SIK3: variants seen among roughly 807,000 people sequenced by gnomAD.
The protein encoded by SIK3 is SIK family kinase 3.
In SIK3, 28 loss-of-function variants were observed where a neutral mutation model predicts 144.2. That is an observed-to-expected ratio of 0.19 (90% CI 0.14 to 0.27). SIK3 has a LOEUF of 0.27. Ranked by LOEUF, SIK3 falls within the 10% of genes least tolerant of loss-of-function variation. The pLI is 1.00. For synonymous variants in SIK3, 686 were observed against 676.3 expected (o/e 1.01, Z -0.22); for missense variants, 1,319 against 1,776.0 (o/e 0.74, Z 4.62).
chr11:117,024,972 TA>T (rs1278329063), intron 1 of SIK3, among the ~76,000 whole-genome samples: 1 of 152,100 alleles, frequency 6.6e-6, no homozygotes, highest in African/African-American at 2.4e-5. Flanking sequence ...CCCCATTCTT[TA>T]AAAAACAAAA....
chr11:116,925,128 A>G (rs1947205909), intron 4 of SIK3, among the ~76,000 whole-genome samples: 1 of 152,128 alleles, frequency 6.6e-6, no homozygotes, highest in Non-Finnish European at 1.5e-5. Context: ...TAAAAATACA[A>G]AAGTTAGCTG....
chr11:116,979,524 T>C (rs935370859), intron 1 of SIK3, among the ~76,000 whole-genome samples: 1 of 152,148 alleles, frequency 6.6e-6, no homozygotes, highest in African/African-American at 2.4e-5. Flanking sequence ...GTAACTCACA[T>C]AAACAAAAGC....
chr11:117,019,398 C>T (rs1190322579), intron 1 of SIK3, among the ~76,000 whole-genome samples: 2 of 152,108 alleles, frequency 1.3e-5, no homozygotes, highest in Non-Finnish European at 2.9e-5. Context: ...AGGGAATGGA[C>T]ACCAATACAA....
intron 1 of SIK3, among the ~76,000 whole-genome samples, chr11:116,971,002 G>GA (rs1949748132): frequency 6.6e-6 from 1 of 152,148 alleles, no homozygotes; most frequent in South Asian, 2.1e-4. Flanking sequence ...ATAATAAGCA[G>GA]AAAACTGCAT....
At chr11:117,041,170 G>A (rs925675490) in intron 1 of SIK3, among the ~76,000 whole-genome samples, 1 of 151,928 alleles carries the variant, frequency 6.6e-6, no homozygotes, top group African/African-American at 2.4e-5. Context: ...ATTTTAAAAT[G>A]AAAAAAGAAA....
In SIK3 at chr11:116,963,789, A is replaced by C. The variant is rs867457262; in HGVS notation, c.274-6725T>G. The stretch of plus-strand genomic sequence containing the variant: ...AGGGCATAATGCTTTCACAGGACCC[A>C]GCTAAGAATGGCTGGCTAGAAAGGA... On this transcript the variant is annotated intron_variant, in intron 1 of 24. Transcript: ENST00000445177. Among the ~76,000 whole-genome samples the C allele has an allele frequency of 3.3e-5, 5 of 152,360 alleles. No individual in the cohort carries two copies. In the South Asian group the frequency reaches 1.0e-3, roughly 32 times the overall value.
intron 1 of SIK3, among the ~76,000 whole-genome samples, chr11:116,959,300 G>C (rs1949255942): frequency 1.3e-5 from 2 of 152,126 alleles, no homozygotes; most frequent in South Asian, 4.1e-4. Context: ...GCCAGCAACA[G>C]AATGAGACCC....
chr11:116,897,151 G>C, intron 5 of SIK3, 42 bp downstream of exon 5: 1 of 1,597,650 alleles, frequency 6.3e-7, no homozygotes, highest in Non-Finnish European at 8.5e-7. Flanking sequence ...ATCAACCAAG[G>C]GTAGCTAATG....
At chr11:116,974,295 G>A (rs1224728929) in intron 1 of SIK3, among the ~76,000 whole-genome samples, 2 of 152,206 alleles carry the variant, frequency 1.3e-5, no homozygotes, top group East Asian at 1.9e-4. Context: ...ACAGCTTTCT[G>A]CTTTCCGTCA....
chr11:117,055,665 A>G lies in SIK3; in HGVS notation c.273+42478T>C, dbSNP rs141392160. On this transcript the variant is annotated intron_variant, in intron 1 of 24. Coordinates refer to ENST00000445177, the MANE Select transcript of SIK3 (RefSeq NM_001366686.3). ...TTGTAAAGATAAGTAAAAGCACACA[A>G]AGGACTTGGCTAGGGCCACAGTTTG... Among the ~76,000 whole-genome samples, 783 of 152,382 alleles carry G rather than the reference A, an allele frequency of 5.1e-3. 7 individuals are homozygous for G. The highest frequency in any genetic ancestry group is 0.018 in the African/African-American group (741 of 41,592).
At chr11:116,918,001 A>G (rs11607045) in intron 4 of SIK3, among the ~76,000 whole-genome samples, 2 of 152,278 alleles carry the variant, frequency 1.3e-5, no homozygotes, top group African/African-American at 4.8e-5. Context: ...TCTTTGTTCT[A>G]GATATTATAC....
At chr11:116,911,250 G>A (rs894682636) in intron 4 of SIK3, among the ~76,000 whole-genome samples, 11 of 152,252 alleles carry the variant, frequency 7.2e-5, no homozygotes, top group Non-Finnish European at 1.6e-4. Flanking sequence ...GCTCATGCCT[G>A]TAATCCCAGC....
At position 116,849,699 on chromosome 11, in the gene SIK3, C is replaced by T. The variant is rs1391028680; in HGVS notation, c.3656-416G>A. 1.3e-5 allele frequency among the ~76,000 whole-genome samples: 2 copies of T among 152,116 alleles called. No individual in the cohort carries two copies. Among genetic ancestry groups the T allele is most frequent in the Non-Finnish European group, 2.9e-5 (2 of 68,022 alleles). On this transcript the variant is annotated intron_variant, in intron 21 of 24. Transcript: ENST00000445177. This position sits in a 1 kb window ranked among gnomAD's most constrained non-coding sequence, Gnocchi z 4.2. ...CTCCTCCCCCGGTGACCTCAGTGTA[C>T]CACGCTGCTACTCTCCTCTTTCTAC...
intron 6 of SIK3, among the ~76,000 whole-genome samples, chr11:116,877,317 GATTTC>G (rs907016867): frequency 2.0e-4 from 30 of 152,228 alleles, no homozygotes; most frequent in African/African-American, 6.3e-4. Context: ...ATAATCCATG[GATTTC>G]ATTTATTTAT....
rs1267960876 is a variant in SIK3 at position 116,947,206 on chromosome 11, A to G, written c.454+6838T>C. Among the ~76,000 whole-genome samples, 7 of 138,084 alleles carry G rather than the reference A, an allele frequency of 5.1e-5. No individual in the cohort carries two copies. The East Asian group carries it at 1.4e-3, about 27-fold the overall frequency. 90.6% of individuals were successfully genotyped at this position (138,084 alleles called of 152,430 possible). ...TATAATATATTATATACAAATTATT[A>G]TTTATATACAATATATAATTATTTA... On this transcript the variant is annotated intron_variant, in intron 3 of 24. Transcript: ENST00000445177.
At chr11:117,021,958 A>AAAAAAAC in intron 1 of SIK3, among the ~76,000 whole-genome samples, 6 of 147,258 alleles carry the variant, frequency 4.1e-5, no homozygotes, top group Non-Finnish European at 6.0e-5. Context: ...AAAAAAAAAA[A>AAAAAAAC]AAACCTAAAA....
intron 1 of SIK3, among the ~76,000 whole-genome samples, chr11:117,081,285 A>G (rs1273200809): frequency 6.6e-6 from 1 of 152,178 alleles, no homozygotes; most frequent in African/African-American, 2.4e-5. Flanking sequence ...TTTGTAAGAC[A>G]CATGTATTAG....
At chr11:116,935,905 A>G (rs1229800848) in intron 3 of SIK3, among the ~76,000 whole-genome samples, 1 of 152,174 alleles carries the variant, frequency 6.6e-6, no homozygotes, top group Non-Finnish European at 1.5e-5. Flanking sequence ...CACTGTTTCT[A>G]GTCATCTAAC....
At chr11:116,855,125 C>T (rs1039231832) in intron 21 of SIK3, among the ~76,000 whole-genome samples, 5 of 135,186 alleles carry the variant, frequency 3.7e-5, no homozygotes, top group Non-Finnish European at 6.0e-5. Flanking sequence ...GTTTTTTTCA[C>T]AGTACAGCTG....
Sources: allele counts gnomAD v4.1 joint callset (sites outside exome capture counted in the v4.1 genomes callset), GRCh38; gene constraint gnomAD v4.1.1; non-coding constraint Gnocchi (gnomAD v3.1); transcripts MANE v1.5; gene names NCBI Gene and HGNC (gene_info 2026-07-23, HGNC 2026-07-21).